The following STK32C variants were observed in gnomAD, a reference collection of about 807,000 sequenced individuals.
STK32C encodes the protein serine/threonine-protein kinase 32C.
Under a neutral mutation model 56.5 loss-of-function variants are expected in STK32C, and 31 were observed. That is an observed-to-expected ratio of 0.55 (90% CI 0.41 to 0.74). STK32C has a LOEUF of 0.74. Ranked by LOEUF, STK32C falls within the 30% of genes least tolerant of loss-of-function variation. STK32C has a pLI of 0.00. For missense variants in STK32C, 544 were observed against 676.9 expected (o/e 0.80, Z 2.18); for synonymous variants, 309 against 289.4 (o/e 1.07, Z -0.69).
intron 1 of STK32C, among the ~76,000 whole-genome samples, chr10:132,269,904 G>A (rs1041642279): frequency 6.6e-6 from 1 of 152,234 alleles, no homozygotes; most frequent in African/African-American, 2.4e-5. Flanking sequence ...CCCAATGGTG[G>A]CCTCCCAGCC....
At chr10:132,304,294 A>T (rs2065994893) in intron 1 of STK32C, among the ~76,000 whole-genome samples, 1 of 152,072 alleles carries the variant, frequency 6.6e-6, no homozygotes, top group African/African-American at 2.4e-5. Flanking sequence ...AGGGGCTTAA[A>T]AAAAAAGCCT....
intron 10 of STK32C, among the ~76,000 whole-genome samples, chr10:132,217,904 C>T (rs1565066376): frequency 6.6e-6 from 1 of 152,140 alleles, no homozygotes; most frequent in Non-Finnish European, 1.5e-5. Context: ...CCTTTATTAG[C>T]AGTGTGAAAA....
chr10:132,258,434 C>G (rs1267746095), intron 1 of STK32C, among the ~76,000 whole-genome samples: 1 of 152,280 alleles, frequency 6.6e-6, no homozygotes, highest in Non-Finnish European at 1.5e-5. Flanking sequence ...CCACGGGGCC[C>G]TTCCAGGGCT....
At chr10:132,284,713 C>G (rs989931359) in intron 1 of STK32C, among the ~76,000 whole-genome samples, 1 of 150,890 alleles carries the variant, frequency 6.6e-6, no homozygotes, top group East Asian at 2.0e-4. Flanking sequence ...AGGCATGAAC[C>G]CAGAACACAT....
chr10:132,266,934 C>T (rs2064555430), intron 1 of STK32C, among the ~76,000 whole-genome samples: 1 of 152,082 alleles, frequency 6.6e-6, no homozygotes, highest in African/African-American at 2.4e-5. Flanking sequence ...GTGGGGAGGG[C>T]TGCGCGGACG....
At chr10:132,268,392 C>CATGT (rs2064670634) in intron 1 of STK32C, among the ~76,000 whole-genome samples, 3 of 100,112 alleles carry the variant, frequency 3.0e-5, no homozygotes, top group South Asian at 3.3e-4. Context: ...TGTCCCACAT[C>CATGT]GTGTGTGTGT....
chr10:132,230,676 T>TGGTGGGGGGG (rs1301559652), intron 2 of STK32C, among the ~76,000 whole-genome samples: 1 of 6,766 alleles, frequency 1.5e-4, no homozygotes. Flanking sequence ...GGGGGGAAGC[T>TGGTGGGGGGG]GGCGGGGGGG....
At chr10:132,299,681 C>G (rs747304111) in intron 1 of STK32C, among the ~76,000 whole-genome samples, 4 of 152,254 alleles carry the variant, frequency 2.6e-5, no homozygotes, top group Admixed American at 6.5e-5. Context: ...GTCCAAATTC[C>G]TAGCCCACAG....
At chr10:132,317,097 G>T (rs545336793) in intron 1 of STK32C, among the ~76,000 whole-genome samples, 154 of 151,874 alleles carry the variant, frequency 1.0e-3, no homozygotes, top group African/African-American at 3.7e-3. Flanking sequence ...ATAAAATGGA[G>T]AAACTATTTG....
At chr10:132,249,078 C>T (rs530802525) in intron 1 of STK32C, 7 of 478,548 alleles carry the variant, frequency 1.5e-5, no homozygotes, top group Admixed American at 2.1e-5. Context: ...CCGGCAGAGG[C>T]TCCCAGCTGG....
intron 1 of STK32C, among the ~76,000 whole-genome samples, chr10:132,288,068 CA>C (rs1051311812): frequency 9.4e-5 from 14 of 148,678 alleles, no homozygotes; most frequent in African/African-American, 1.7e-4. Context: ...TCCCCCAGCC[CA>C]AAAAAAAAGG....
At chr10:132,293,534 C>T (rs1185462632) in intron 1 of STK32C, among the ~76,000 whole-genome samples, 2 of 152,192 alleles carry the variant, frequency 1.3e-5, no homozygotes, top group South Asian at 2.1e-4. Flanking sequence ...TTGGGGTGGG[C>T]GTTACTGCAG....
In STK32C at chr10:132,225,805, G is replaced by A. The variant is rs867019286; in HGVS notation, c.645-21C>T. On this transcript the variant is annotated intron_variant, in intron 4 of 11. Transcript: ENST00000298630. ...CATCTCTAGAAAGAGCAGAAAGTGG[G>A]AAGGTGAGTTGGGAATCTGCCCTGT... is the stretch of plus-strand genomic sequence containing the variant. 1.2e-5 allele frequency: 20 copies of A among 1,613,558 alleles called. 1 individual carries two copies. In the South Asian group the frequency reaches 1.9e-4, roughly 15 times the overall value.
intron 1 of STK32C, among the ~76,000 whole-genome samples, chr10:132,282,288 C>T (rs138741158): frequency 5.3e-4 from 81 of 152,376 alleles, no homozygotes; most frequent in Non-Finnish European, 7.9e-4. Flanking sequence ...CTGCCAGCTG[C>T]GCCAGCTTCC....
chr10:132,288,576 T>C (rs962178020), intron 1 of STK32C, among the ~76,000 whole-genome samples: 1 of 152,228 alleles, frequency 6.6e-6, no homozygotes, highest in African/African-American at 2.4e-5. Flanking sequence ...TTGTCAAAAC[T>C]CATTAAATCT....
chr10:132,232,308 A>T (rs925627555), intron 2 of STK32C, among the ~76,000 whole-genome samples: 1 of 152,216 alleles, frequency 6.6e-6, no homozygotes, highest in African/African-American at 2.4e-5. Flanking sequence ...AATGGATTTG[A>T]TTAAGTCAAT....
At chr10:132,227,617 GTGGTGATGGTGA>G (rs60944917) in intron 3 of STK32C, among the ~76,000 whole-genome samples, 4 of 151,402 alleles carry the variant, frequency 2.6e-5, no homozygotes, top group African/African-American at 7.3e-5. Flanking sequence ...GGCGATGATG[GTGGTGATGGTGA>G]TGGTGATGAC....
chr10:132,215,142 C>CTGCG (rs2062430723), intron 10 of STK32C, among the ~76,000 whole-genome samples: 1 of 152,170 alleles, frequency 6.6e-6, no homozygotes, highest in Non-Finnish European at 1.5e-5. Flanking sequence ...CCTCAGCCTC[C>CTGCG]TGCGTAGCTG....
At chr10:132,300,046 C>T (rs902604369) in intron 1 of STK32C, among the ~76,000 whole-genome samples, 1 of 152,246 alleles carries the variant, frequency 6.6e-6, no homozygotes, top group Non-Finnish European at 1.5e-5. Flanking sequence ...TGCCAAGGCC[C>T]CAGAATGCGT....
Sources: allele counts gnomAD v4.1 joint callset (sites outside exome capture counted in the v4.1 genomes callset), GRCh38; gene constraint gnomAD v4.1.1; transcripts MANE v1.5; gene names NCBI Gene and HGNC (gene_info 2026-07-23, HGNC 2026-07-21).